The following HEMK1 variants were observed in gnomAD, a reference collection of about 807,000 sequenced individuals.
The protein encoded by HEMK1 is MTRF1L release factor glutamine methyltransferase.
A neutral mutation model predicts 47.9 loss-of-function variants in HEMK1; 36 were observed. The ratio of observed to expected loss-of-function variants is 0.75; its 90% CI spans 0.58 to 0.99. HEMK1 has a LOEUF of 0.99. Among genes scored for constraint, HEMK1 ranks in the 50% least tolerant of loss-of-function variants. The pLI is 0.00. For missense variants in HEMK1, 383 were observed against 434.5 expected (o/e 0.88, Z 1.05); for synonymous variants, 153 against 165.4 (o/e 0.93, Z 0.57).
intron 4 of HEMK1, among the ~76,000 whole-genome samples, chr3:50,576,691 G>A (rs572194061): frequency 1.3e-5 from 2 of 152,352 alleles, no homozygotes; most frequent in African/African-American, 2.4e-5. Flanking sequence ...TTACAGGCAT[G>A]AGCCACCGTG....
In HEMK1 at chr3:50,580,244, C is replaced by T; in HGVS notation, c.980+15C>T. On this transcript the variant is annotated intron_variant, in intron 10 of 10. Transcript: ENST00000232854. The stretch of plus-strand genomic sequence containing the variant: ...TTCTGTGGGAGGTAAGATCCTAGCC[C>T]CCTTTAGCCCTGTAGCATGCTGGTC... 1 of 1,610,826 alleles carries T rather than the reference C, an allele frequency of 6.2e-7. No individual in the cohort carries two copies. The highest frequency in any genetic ancestry group is 8.5e-7 in the Non-Finnish European group (1 of 1,177,016).
rs1701005442 is a variant in HEMK1 at position 50,571,868 on chromosome 3, C to A, written c.320+67C>A. On this transcript the variant is annotated intron_variant, in intron 3 of 10. Coordinates refer to ENST00000232854, the MANE Select transcript of HEMK1 (RefSeq NM_016173.5). ...GCAGCAGTCCAGCCTCCCCTATCCC[C>A]ACCAAGTTCAGGGAGGAGGAGAATG... 9 of 1,505,268 alleles carry A rather than the reference C, an allele frequency of 6.0e-6. No individual in the cohort carries two copies. The Admixed American group carries it at 1.5e-4, about 25-fold the overall frequency. The allele number at this position is 1,505,268 out of a possible 1,614,324, so 93.2% of individuals were successfully genotyped here. A position where few individuals can be genotyped will look rare whatever the true frequency, so the allele number is the denominator to read the frequency against.
Position 50,595,267 on chromosome 3 carries a change from A to T in HEMK1, c.*14850A>T, listed in dbSNP as rs1232091156. 6.6e-6 allele frequency: 1 copy of T among 152,264 alleles called. No individual in the cohort carries two copies. Among genetic ancestry groups the T allele is most frequent in the Non-Finnish European group, 1.5e-5 (1 of 68,050 alleles). The allele number at this position is 152,264 out of a possible 1,614,324, so 9.4% of individuals were successfully genotyped here. A position where few individuals can be genotyped will look rare whatever the true frequency, so the allele number is the denominator to read the frequency against. Reference sequence around the variant, plus strand: ...TCTCAAGGATCATGGCAGAAGGCACAGAACTCTGGGTTCAGAAACAGACAA... The same window carrying T: ...TCTCAAGGATCATGGCAGAAGGCACTGAACTCTGGGTTCAGAAACAGACAA... On this transcript the variant is annotated 3_prime_UTR_variant, in exon 11 of 11. Transcript: ENST00000232854.
chr3:50,569,979 T>A (rs1700739959), intron 1 of HEMK1: 1 of 152,248 alleles, frequency 6.6e-6, no homozygotes, highest in Non-Finnish European at 1.5e-5. Context: ...TAGCTGGGAC[T>A]ACAGGTGCGC....
chr3:50,577,157 TC>T lies in HEMK1; in HGVS notation c.523del (p.Leu175SerfsTer4). 1.2e-6 allele frequency: 2 copies of T among 1,611,984 alleles called. No homozygotes were observed. The highest frequency in any genetic ancestry group is 1.7e-6 in the Non-Finnish European group (2 of 1,179,422). On this transcript the variant is annotated frameshift_variant, in exon 5 of 11. Coordinates refer to ENST00000232854, the MANE Select transcript of HEMK1 (RefSeq NM_016173.5). LOFTEE classifies it high-confidence loss of function. The stretch of plus-strand genomic sequence containing the variant: ...GGTGGGCTGCGGATCAGGAGCCATC[TC>T]CCTCAGCCTGCTGAGCCAGCTCCCC... ...LEVGCGSGAISLSLLSQLPQS... is the reference protein window; with the variant it reads ...LEVGCGSGAIXLSLLSQLPQS...
chr3:50,573,853 A>G (rs561357546), intron 4 of HEMK1, among the ~76,000 whole-genome samples: 1 of 152,358 alleles, frequency 6.6e-6, no homozygotes, highest in East Asian at 1.9e-4. Context: ...AAGGTGGTTC[A>G]GCCCCTGGCC....
chr3:50,576,202 G>A (rs761572606), intron 4 of HEMK1, among the ~76,000 whole-genome samples: 5 of 152,224 alleles, frequency 3.3e-5, no homozygotes, highest in Non-Finnish European at 7.3e-5. Flanking sequence ...CTCAAGCCCA[G>A]CTCTGTGAGG....
Position 50,572,814 on chromosome 3 carries a change from T to C in HEMK1, c.414+606T>C, listed in dbSNP as rs550256398. On this transcript the variant is annotated intron_variant, in intron 4 of 10. Transcript: ENST00000232854. ...TGTGTTATCCCTTGGTAAGGCACCC[T>C]GGTCCTGGAAGAGACGCTTTATATG... is the stretch of plus-strand genomic sequence containing the variant. Among the ~76,000 whole-genome samples, 3 of 152,366 alleles carry C rather than the reference T, an allele frequency of 2.0e-5. No individual in the cohort carries two copies. In the South Asian group the frequency reaches 6.2e-4, roughly 32 times the overall value.
Position 50,570,880 on chromosome 3 carries a change from G to C in HEMK1, c.-174-51G>C, listed in dbSNP as rs748102961. On this transcript the variant is annotated intron_variant, in intron 1 of 10. Transcript: ENST00000232854. Reference sequence around the variant, plus strand: ...TTCTCAGGCAATGTATTGGTAGAAGGGGGGGTGTCATACAAGGCTCACCTG... The same window carrying C: ...TTCTCAGGCAATGTATTGGTAGAAGCGGGGGTGTCATACAAGGCTCACCTG... 32 of 449,240 alleles carry C rather than the reference G, an allele frequency of 7.1e-5. No homozygotes were observed. The Admixed American group carries it at 1.1e-3, about 15-fold the overall frequency. 27.8% of individuals were successfully genotyped at this position (449,240 alleles called of 1,614,324 possible).
Position 50,588,297 on chromosome 3 carries a change from T to C in HEMK1, c.*7880T>C, listed in dbSNP as rs978155349. The C allele has an allele frequency of 6.6e-6, 1 of 152,224 alleles. No homozygotes were observed. Among genetic ancestry groups the C allele is most frequent in the Non-Finnish European group, 1.5e-5 (1 of 68,054 alleles). 9.4% of individuals were successfully genotyped at this position (152,224 alleles called of 1,614,324 possible). A position where few individuals can be genotyped will look rare whatever the true frequency, so the allele number is the denominator to read the frequency against. The stretch of plus-strand genomic sequence containing the variant: ...GGGATCCCTTCCTTGGCCCACTGTA[T>C]GGATGAAGGGACTGAGGCTTAACAT... On this transcript the variant is annotated 3_prime_UTR_variant, in exon 11 of 11. Transcript: ENST00000232854.
chr3:50,577,875 G>C lies in HEMK1; in HGVS notation c.664G>C (p.Glu222Gln). Residue 222 changes from glutamate (E) to glutamine (Q), a missense_variant and splice_region_variant, in exon 7 of 11, where the codon GAA (glutamate) becomes CAA (glutamine). Coordinates refer to ENST00000232854, the MANE Select transcript of HEMK1 (RefSeq NM_016173.5). ...GATCATCCACCTCGACATGACCTCA[G>C]GTACCCTCCCCTGCATGTTCCTTGA... is the stretch of plus-strand genomic sequence containing the variant. ...IWIIHLDMTS[E>Q]RSWTHLPWGP... The C allele has an allele frequency of 6.2e-7, 1 of 1,614,032 alleles. No individual in the cohort carries two copies. Among genetic ancestry groups the C allele is most frequent in the Middle Eastern group, 1.6e-4 (1 of 6,062 alleles).
rs2031926532 is a variant in HEMK1 at position 50,595,429 on chromosome 3, G to A, written c.*15012G>A. 1 of 152,176 alleles carries A rather than the reference G, an allele frequency of 6.6e-6. No individual in the cohort carries two copies. Among genetic ancestry groups the A allele is most frequent in the African/African-American group, 2.4e-5 (1 of 41,420 alleles). The allele number at this position is 152,176 out of a possible 1,614,324, so 9.4% of individuals were successfully genotyped here. The stretch of plus-strand genomic sequence containing the variant: ...CATATGCATTGGGTTGCACTACGGT[G>A]GAGAAACTGCATGCTGAATTTAGGG... On this transcript the variant is annotated 3_prime_UTR_variant, in exon 11 of 11. Coordinates refer to ENST00000232854, the MANE Select transcript of HEMK1 (RefSeq NM_016173.5).
In HEMK1 at chr3:50,571,138, C is replaced by G; in HGVS notation, c.34C>G (p.Leu12Val). Residue 12 changes from leucine to valine, a missense_variant, in exon 2 of 11, where the codon CTG (leucine) becomes GTG (valine). Coordinates refer to ENST00000232854, the MANE Select transcript of HEMK1 (RefSeq NM_016173.5). ...TTGGGGCCGAATGCTGTGGGCCCTC[C>G]TGTCTGGCCCAGGGAGGAGGGGAAG... Reference protein sequence around the residue: ...ELWGRMLWALLSGPGRRGSTR... With the variant: ...ELWGRMLWALVSGPGRRGSTR... 2 of 1,610,296 alleles carry G rather than the reference C, an allele frequency of 1.2e-6. No homozygotes were observed. The highest frequency in any genetic ancestry group is 1.7e-6 in the Non-Finnish European group (2 of 1,178,186).
chr3:50,577,142 G>A lies in HEMK1; in HGVS notation c.505G>A (p.Gly169Arg), dbSNP rs199946813. 289 of 1,613,346 alleles carry A rather than the reference G, an allele frequency of 1.8e-4. No individual in the cohort carries two copies. The highest frequency in any genetic ancestry group is 2.3e-4 in the Admixed American group (14 of 59,930). ...GSPLILEVGC[G>R]SGAISLSLLS... ...CCCCCTCATTCTGGAGGTGGGCTGCGGATCAGGAGCCATCTCCCTCAGCCT... is the reference window on the plus strand; with the variant it reads ...CCCCCTCATTCTGGAGGTGGGCTGCAGATCAGGAGCCATCTCCCTCAGCCT... Residue 169 changes from glycine (G) to arginine (R), a missense_variant, in exon 5 of 11, where the codon GGA becomes AGA. By Grantham distance (125) the Gly-to-Arg change is moderately radical (BLOSUM62 -2). Coordinates refer to ENST00000232854, the MANE Select transcript of HEMK1 (RefSeq NM_016173.5).
rs1366051283 is a variant in HEMK1 at position 50,577,160 on chromosome 3, C to T, written c.523C>T (p.Leu175Phe). The change falls in exon 5 of 11, where the codon CTC becomes TTC. Residue 175 changes from leucine to phenylalanine, a missense_variant. Coordinates refer to ENST00000232854, the MANE Select transcript of HEMK1 (RefSeq NM_016173.5). Reference protein sequence around the residue: ...EVGCGSGAISLSLLSQLPQSR... With the variant: ...EVGCGSGAISFSLLSQLPQSR... ...GGGCTGCGGATCAGGAGCCATCTCC[C>T]TCAGCCTGCTGAGCCAGCTCCCCCA... 1 of 1,612,076 alleles carries T rather than the reference C, an allele frequency of 6.2e-7. No individual in the cohort carries two copies. The highest frequency in any genetic ancestry group is 8.5e-7 in the Non-Finnish European group (1 of 1,179,478).
chr3:50,573,541 T>C (rs1384042806), intron 4 of HEMK1, among the ~76,000 whole-genome samples: 1 of 152,192 alleles, frequency 6.6e-6, no homozygotes, highest in Non-Finnish European at 1.5e-5. Context: ...TGTGGCCCCC[T>C]GATTCTTGGA....
In HEMK1 at chr3:50,590,048, G is replaced by C. The variant is rs1335955913; in HGVS notation, c.*9631G>C. 6.6e-6 allele frequency: 1 copy of C among 151,510 alleles called. No individual in the cohort carries two copies. Among genetic ancestry groups the C allele is most frequent in the South Asian group, 2.1e-4 (1 of 4,798 alleles). 9.4% of individuals were successfully genotyped at this position (151,510 alleles called of 1,614,324 possible). ...AAAAATACAAAAATTAGCTGGGTGT[G>C]GTGGTGGACACCTGTAATCCCAGCT... On this transcript the variant is annotated 3_prime_UTR_variant, in exon 11 of 11. Coordinates refer to ENST00000232854, the MANE Select transcript of HEMK1 (RefSeq NM_016173.5).
intron 3 of HEMK1, 53 bp downstream of exon 3, chr3:50,571,854 G>A (rs944225884): frequency 8.4e-6 from 13 of 1,547,620 alleles, no homozygotes; most frequent in Non-Finnish European, 1.1e-5. Context: ...CAGCAGTCCA[G>A]CCTCCCCTAT....
chr3:50,575,612 G>A (rs1701503122), intron 4 of HEMK1, among the ~76,000 whole-genome samples: 1 of 152,138 alleles, frequency 6.6e-6, no homozygotes, highest in Non-Finnish European at 1.5e-5. Context: ...CCGTGGTAGA[G>A]CCTGGCCCAG....
Sources: gnomAD v4.1 joint callset for allele counts (sites outside exome capture counted in the v4.1 genomes callset) on GRCh38, gnomAD v4.1.1 for gene constraint, MANE v1.5 for transcripts, NCBI Gene and HGNC (gene_info 2026-07-23, HGNC 2026-07-21) for gene names.